KCNJ13: variants seen among roughly 807,000 people sequenced by gnomAD.
KCNJ13 encodes inward rectifier potassium channel 13.
KCNJ13 carries 9 observed loss-of-function variants against 24.6 expected under a neutral mutation model. That is an observed-to-expected ratio of 0.37 (90% confidence interval 0.22 to 0.64). KCNJ13 has a LOEUF of 0.64. KCNJ13 is among the 30% of genes least tolerant of loss of function. The pLI, the probability that KCNJ13 is intolerant of heterozygous loss-of-function variation, is 0.64. For missense variants in KCNJ13, 337 were observed against 443.8 expected (o/e 0.76, Z 2.16); for synonymous variants, 148 against 154.7 (o/e 0.96, Z 0.32).
Position 232,768,668 on chromosome 2 carries a change from G to C in KCNJ13, c.606C>G (p.Val202=), listed in dbSNP as rs1184806124. Residue 202 remains valine, a synonymous_variant, in exon 3 of 3, where the codon GTC becomes GTG. Transcript: ENST00000233826. The part of the protein sequence containing the change: ...ANTRPSPLTS[V]RVSAVLYQER... ...CCTGATAGAGTACAGCTGAGACCCG[G>C]ACACTGGTTAGAGGGCTAGGTCGGG... The C allele has an allele frequency of 6.2e-7, 1 of 1,613,488 alleles. No homozygotes were observed. The highest frequency in any genetic ancestry group is 8.5e-7 in the Non-Finnish European group (1 of 1,179,552).
At chr2:232,772,939 G>A (rs1699330085) in intron 1 of KCNJ13, among the ~76,000 whole-genome samples, 1 of 151,842 alleles carries the variant, frequency 6.6e-6, no homozygotes, top group South Asian at 2.1e-4. Context: ...TGGCCACCTG[G>A]GTATATACAA....
At chr2:232,775,659 C>A (rs555797312) in intron 1 of KCNJ13, among the ~76,000 whole-genome samples, 1 of 152,248 alleles carries the variant, frequency 6.6e-6, no homozygotes, top group South Asian at 2.1e-4. Context: ...AAATGATAGG[C>A]AGCTTCACTG....
Position 232,768,305 on chromosome 2 carries a change from A to G in KCNJ13, c.969T>C (p.Pro323=), listed in dbSNP as rs769488519. ...IKMENFDKTV[P]EFPTPLVSKS... is the part of the protein sequence containing the mutation. ...TAGAAACCAGAGGAGTTGGAAATTC[A>G]GGGACAGTCTTGTCAAAATTCTCCA... Residue 323 remains proline (P), a synonymous_variant, in exon 3 of 3, where the codon CCT becomes CCC. Coordinates refer to ENST00000233826, the MANE Select transcript of KCNJ13 (RefSeq NM_002242.4). The G allele has an allele frequency of 1.9e-6, 3 of 1,614,212 alleles. No homozygotes were observed. The highest frequency in any genetic ancestry group is 2.5e-6 in the Non-Finnish European group (3 of 1,180,006).
chr2:232,770,821 G>T, intron 2 of KCNJ13, 82 bp downstream of exon 2: 1 of 908,922 alleles, frequency 1.1e-6, no homozygotes, highest in Non-Finnish European at 1.8e-6. Flanking sequence ...ACTTATAACT[G>T]ACTATACCCT....
At chr2:232,769,077 T>C (rs1699106308) in intron 2 of KCNJ13, among the ~76,000 whole-genome samples, 1 of 152,178 alleles carries the variant, frequency 6.6e-6, no homozygotes, top group African/African-American at 2.4e-5. Context: ...CATCCTCTAG[T>C]TTCTTACAAA....
Position 232,768,210 on chromosome 2 carries a change from T to C in KCNJ13, c.1064A>G (p.Glu355Gly), listed in dbSNP as rs764061215. 1 of 1,614,174 alleles carries C rather than the reference T, an allele frequency of 6.2e-7. No individual in the cohort carries two copies. The highest frequency in any genetic ancestry group is 8.5e-7 in the Non-Finnish European group (1 of 1,179,990). ...GQSIDNFQIS[E>G]TGLTE ...TAAGTCTTATTCTGTCAGTCCTGTT[T>C]CAGAGATCTGAAAATTGTCAATGCT... The change falls in exon 3 of 3, where the codon GAA (glutamate) becomes GGA (glycine). Residue 355 changes from glutamate (E) to glycine (G), a missense_variant. Physicochemically the swap from Glu to Gly is moderately conservative, Grantham distance 98. This residue lies in a region of KCNJ13 where 235 missense variants were observed against 286.9 expected (regional missense o/e 0.82). Coordinates refer to ENST00000233826, the MANE Select transcript of KCNJ13 (RefSeq NM_002242.4).
At position 232,765,956 on chromosome 2, in the gene KCNJ13, T is replaced by C. The variant is rs764743784; in HGVS notation, c.*2235A>G. On this transcript the variant is annotated 3_prime_UTR_variant, in exon 3 of 3. Transcript: ENST00000233826. ...TCCTGATCATGTGTGCAAGACTTCA[T>C]GACCAAGCTCCCAGATGATCCAGGT... 2.2e-6 allele frequency: 1 copy of C among 464,148 alleles called. No homozygotes were observed. The allele number at this position is 464,148 out of a possible 1,614,324, so 28.8% of individuals were successfully genotyped here.
intron 1 of KCNJ13, among the ~76,000 whole-genome samples, chr2:232,773,907 A>AT (rs1262070677): frequency 2.1e-4 from 27 of 129,036 alleles, no homozygotes; most frequent in African/African-American, 6.1e-4. Flanking sequence ...CTTTGTCTCT[A>AT]TTTAAAAAAA....
rs776091698 is a variant in KCNJ13 at position 232,771,251 on chromosome 2, G to C, written c.112C>G (p.Leu38Val). 10 of 1,609,226 alleles carry C rather than the reference G, an allele frequency of 6.2e-6. No homozygotes were observed. The highest frequency in any genetic ancestry group is 8.5e-6 in the Non-Finnish European group (10 of 1,176,492). ...CCCCAAGCATCTCGAAGATATGCAA[G>C]ACCTCTTTGAGCGCCATCCATTTGA... ...TLQMDGAQRG[L>V]AYLRDAWGIL... is the part of the protein sequence containing the mutation. The change falls in exon 2 of 3, where the codon CTT (leucine) becomes GTT (valine). Residue 38 changes from leucine (L) to valine (V), a missense_variant. By Grantham distance (32) the Leu-to-Val change is conservative (BLOSUM62 1). Transcript: ENST00000233826.
intron 1 of KCNJ13, among the ~76,000 whole-genome samples, chr2:232,775,092 G>A: frequency 6.6e-6 from 1 of 151,752 alleles, no homozygotes; most frequent in East Asian, 1.9e-4. Context: ...TAAGACTGCT[G>A]GATTTGGTTT....
intron 2 of KCNJ13, 36 bp downstream of exon 2, chr2:232,770,867 T>A (rs1699216108): frequency 6.7e-7 from 1 of 1,486,932 alleles, no homozygotes; most frequent in Non-Finnish European, 9.4e-7. Flanking sequence ...GTTTTGTTTT[T>A]GTTTTTGTTT....
At chr2:232,768,834 T>C (rs760722999) in intron 2 of KCNJ13, 21 bp from the exon 3 acceptor site, 8 of 1,591,050 alleles carry the variant, frequency 5.0e-6, no homozygotes, top group Non-Finnish European at 6.9e-6. Context: ...AATTATTGAT[T>C]TTTTTTTAGA....
chr2:232,773,367 AGTC>A (rs1259156459), intron 1 of KCNJ13, among the ~76,000 whole-genome samples: 11 of 152,320 alleles, frequency 7.2e-5, no homozygotes, highest in African/African-American at 2.6e-4. Flanking sequence ...TTTCAGATGA[AGTC>A]ACTGGTGCTC....
At chr2:232,772,262 A>C (rs1699297348) in intron 1 of KCNJ13, among the ~76,000 whole-genome samples, 2 of 152,038 alleles carry the variant, frequency 1.3e-5, no homozygotes. Context: ...TCACTTTGCA[A>C]CCATGTTCGT....
In KCNJ13 at chr2:232,767,994, C is replaced by G. The variant is rs373505209; in HGVS notation, c.*197G>C. 1.7e-5 allele frequency: 10 copies of G among 587,030 alleles called. 1 individual carries two copies. The highest frequency in any genetic ancestry group is 9.3e-5 in the African/African-American group (5 of 53,606). 36.4% of individuals were successfully genotyped at this position (587,030 alleles called of 1,614,324 possible). A position where few individuals can be genotyped will look rare whatever the true frequency, so the allele number is the denominator to read the frequency against. Reference sequence around the variant, plus strand: ...GAGTTACATTGATTTCAGCAGGTAACAAACTTTGTAATGTAGAGTGTTATG... The same window carrying G: ...GAGTTACATTGATTTCAGCAGGTAAGAAACTTTGTAATGTAGAGTGTTATG... On this transcript the variant is annotated 3_prime_UTR_variant, in exon 3 of 3. Coordinates refer to ENST00000233826, the MANE Select transcript of KCNJ13 (RefSeq NM_002242.4).
At position 232,768,103 on chromosome 2, in the gene KCNJ13, T is replaced by C; in HGVS notation, c.*88A>G. On this transcript the variant is annotated 3_prime_UTR_variant, in exon 3 of 3. Transcript: ENST00000233826. The stretch of plus-strand genomic sequence containing the variant: ...GTGATGTAGAGAGCTATAATTAGCA[T>C]TGAAAAAAGAAAACATGAGATACAG... The C allele has an allele frequency of 2.1e-5, 28 of 1,331,206 alleles. No homozygotes were observed. Among genetic ancestry groups the C allele is most frequent in the South Asian group, 1.3e-4 (11 of 83,624 alleles). The allele number at this position is 1,331,206 out of a possible 1,614,324, so 82.5% of individuals were successfully genotyped here. A position where few individuals can be genotyped will look rare whatever the true frequency, so the allele number is the denominator to read the frequency against.
intron 1 of KCNJ13, 35 bp from the exon 2 acceptor site, chr2:232,771,413 G>A (rs771662288): frequency 2.3e-6 from 3 of 1,319,720 alleles, no homozygotes; most frequent in Admixed American, 1.9e-5. Context: ...GCTCTTAACT[G>A]TTTTATAGTT....
chr2:232,769,122 G>A (rs1238699088), intron 2 of KCNJ13, among the ~76,000 whole-genome samples: 1 of 152,048 alleles, frequency 6.6e-6, no homozygotes, highest in African/African-American at 2.4e-5. Context: ...ATTCCTGCCT[G>A]TGCTTAAAAA....
chr2:232,773,629 ATT>A (rs1249699398), intron 1 of KCNJ13, among the ~76,000 whole-genome samples: 2 of 152,122 alleles, frequency 1.3e-5, no homozygotes, highest in Non-Finnish European at 2.9e-5. Flanking sequence ...GTATTAAACC[ATT>A]GTTAACTTTG....
Sources: allele counts gnomAD v4.1 joint callset (sites outside exome capture counted in the v4.1 genomes callset), GRCh38; gene constraint gnomAD v4.1.1; regional missense constraint gnomAD v4.1.1; transcripts MANE v1.5; gene names NCBI Gene and HGNC (gene_info 2026-07-23, HGNC 2026-07-21).